Variants in FBXO34 observed in about 807,000 individuals in gnomAD.
FBXO34 encodes the protein F-box only protein 34.
In FBXO34, 12 loss-of-function variants were observed where a neutral mutation model predicts 24.5. The ratio of observed to expected loss-of-function variants is 0.49; its 90% CI spans 0.31 to 0.79. The LOEUF is 0.79. FBXO34 is among the 30% of genes least tolerant of loss of function. The probability of loss-of-function intolerance (pLI) is 0.04; values close to 1 mark genes in which losing one functional copy is unlikely to be tolerated. For missense variants in FBXO34, 823 were observed against 857.7 expected, an observed-to-expected ratio of 0.96 and a Z score of 0.51; for synonymous variants, 320 against 311.9, an observed-to-expected ratio of 1.03 and a Z score of -0.27.
intron 1 of FBXO34, among the ~76,000 whole-genome samples, chr14:55,274,193 G>A (rs1368928287): frequency 6.6e-6 from 1 of 152,174 alleles, no homozygotes; most frequent in Non-Finnish European, 1.5e-5. Context: ...CTGCTATTCG[G>A]CAGTGCATTT....
chr14:55,369,386 G>T, downstream of FBXO34: 1 of 369,092 alleles, frequency 2.7e-6, no homozygotes, highest in Non-Finnish European at 4.8e-6. Context: ...CACTGGTCTG[G>T]GTAGAAAGAC....
At chr14:55,399,799 A>G in the FBXO34 span, among the ~76,000 whole-genome samples, 1 of 152,336 alleles carries the variant, frequency 6.6e-6, no homozygotes, top group East Asian at 1.9e-4. Context: ...AGGCCATAAA[A>G]GTTCTCCTTT....
chr14:55,321,803 T>C (rs1883143374), intron 1 of FBXO34, among the ~76,000 whole-genome samples: 1 of 152,260 alleles, frequency 6.6e-6, no homozygotes, highest in South Asian at 2.1e-4. Context: ...TTGCCTCTTA[T>C]GTCCATTCTC....
chr14:55,442,006 A>G, the FBXO34 span, among the ~76,000 whole-genome samples: 1 of 150,672 alleles, frequency 6.6e-6, no homozygotes. Context: ...CAGGTGATCC[A>G]CCTGCCTTGG....
the FBXO34 span, among the ~76,000 whole-genome samples, chr14:55,409,125 C>A: frequency 3.3e-5 from 5 of 152,236 alleles, no homozygotes; most frequent in Middle Eastern, 6.8e-3. Flanking sequence ...AACTAAAACT[C>A]GGATAGATTC....
At position 55,315,833 on chromosome 14, in the gene FBXO34, C is replaced by T. The variant is rs560719718; in HGVS notation, c.-10-34548C>T. 2.3e-4 allele frequency among the ~76,000 whole-genome samples: 35 copies of T among 152,274 alleles called. No individual in the cohort carries two copies. The South Asian group carries it at 7.1e-3, about 31-fold the overall frequency. Reference sequence around the variant, plus strand: ...GTGGTGAGGTACTTGATGCTGAGTACTTGAGGAATCCTTTCCATCATTGTG... The same window carrying T: ...GTGGTGAGGTACTTGATGCTGAGTATTTGAGGAATCCTTTCCATCATTGTG... On this transcript the variant is annotated intron_variant, in intron 1 of 1. Coordinates refer to ENST00000313833, the MANE Select transcript of FBXO34 (RefSeq NM_017943.4).
At chr14:55,395,810 C>T in the FBXO34 span, 10 of 518,872 alleles carry the variant, frequency 1.9e-5, no homozygotes, top group South Asian at 9.0e-5. Flanking sequence ...GAGAAAGCCA[C>T]GCTACAAGTG....
chr14:55,279,482 A>G (rs894841205), intron 1 of FBXO34, among the ~76,000 whole-genome samples: 12 of 152,210 alleles, frequency 7.9e-5, no homozygotes, highest in Non-Finnish European at 5.9e-5. Context: ...CTGAATTCAC[A>G]GTGAAAGGAA....
chr14:55,289,498 C>T (rs1881871137), intron 1 of FBXO34, among the ~76,000 whole-genome samples: 1 of 152,108 alleles, frequency 6.6e-6, no homozygotes. Flanking sequence ...ATCTATTCTT[C>T]CGGTATACGA....
intron 1 of FBXO34, among the ~76,000 whole-genome samples, chr14:55,306,372 T>G (rs1594741183): frequency 6.6e-6 from 1 of 152,220 alleles, no homozygotes; most frequent in Admixed American, 6.5e-5. Flanking sequence ...AAACAAGTGG[T>G]TTTCTTTAGA....
At chr14:55,380,417 A>G in the FBXO34 span, among the ~76,000 whole-genome samples, 1 of 152,232 alleles carries the variant, frequency 6.6e-6, no homozygotes. Context: ...GAATCTGCAC[A>G]TAAGGCTTTT....
chr14:55,409,504 A>C, the FBXO34 span, among the ~76,000 whole-genome samples: 1 of 152,132 alleles, frequency 6.6e-6, no homozygotes, highest in Admixed American at 6.5e-5. Context: ...TTAAATACGC[A>C]TGAGGTTAGC....
chr14:55,299,074 G>C (rs1484868555), intron 1 of FBXO34: 1 of 1,511,432 alleles, frequency 6.6e-7, no homozygotes, highest in East Asian at 2.3e-5. Flanking sequence ...GTAGGGTTTG[G>C]AGAAAAGTCT....
At chr14:55,337,471 A>G (rs1028254283) in intron 1 of FBXO34, among the ~76,000 whole-genome samples, 1 of 152,204 alleles carries the variant, frequency 6.6e-6, no homozygotes, top group Non-Finnish European at 1.5e-5. Context: ...CCTCCGCTCA[A>G]GACTATCATA....
the FBXO34 span, among the ~76,000 whole-genome samples, chr14:55,408,060 T>C: frequency 6.6e-6 from 1 of 152,216 alleles, no homozygotes; most frequent in African/African-American, 2.4e-5. Context: ...CTAGGCATCA[T>C]GCTAACCACT....
At chr14:55,325,515 G>A (rs1433972338) in intron 1 of FBXO34, among the ~76,000 whole-genome samples, 3 of 151,164 alleles carry the variant, frequency 2.0e-5, no homozygotes. Flanking sequence ...CACTCTTGTT[G>A]CCCAGGCTGG....
At chr14:55,440,865 T>TTTG in the FBXO34 span, among the ~76,000 whole-genome samples, 174 of 152,278 alleles carry the variant, frequency 1.1e-3, no homozygotes, top group African/African-American at 3.9e-3. Flanking sequence ...AAAGGGATTT[T>TTTG]TTGTTGTTGT....
the FBXO34 span, among the ~76,000 whole-genome samples, chr14:55,408,584 A>G: frequency 1.3e-5 from 2 of 152,120 alleles, no homozygotes; most frequent in Admixed American, 6.5e-5. Context: ...CAGCCTGGAC[A>G]AGATAGGGAG....
intron 1 of FBXO34, among the ~76,000 whole-genome samples, chr14:55,325,550 A>G (rs570610515): frequency 1.8e-4 from 28 of 152,120 alleles, no homozygotes; most frequent in African/African-American, 6.7e-4. Context: ...ATCTCGGCTC[A>G]TCGCAACCTC....
Sources: allele counts gnomAD v4.1 joint callset (sites outside exome capture counted in the v4.1 genomes callset), GRCh38; gene constraint gnomAD v4.1.1; transcripts MANE v1.5; gene names NCBI Gene and HGNC (gene_info 2026-07-23, HGNC 2026-07-21).